The following SERINC5 variants were observed in gnomAD, a reference collection of about 807,000 sequenced individuals.
SERINC5 encodes the protein serine incorporator 5.
SERINC5 carries 41 observed loss-of-function variants against 63.1 expected under a neutral mutation model. That is an observed-to-expected ratio of 0.65 (90% CI 0.51 to 0.84). The LOEUF (loss-of-function observed/expected upper bound fraction) is 0.84, where lower values mean the gene tolerates loss of function less well. Ranked by LOEUF, SERINC5 falls within the 40% of genes least tolerant of loss-of-function variation. The probability of loss-of-function intolerance (pLI) is 0.00; values close to 1 mark genes in which losing one functional copy is unlikely to be tolerated. For synonymous variants in SERINC5, 222 were observed against 215.2 expected, an observed-to-expected ratio of 1.03 and a Z score of -0.28; for missense variants, 523 against 573.0, an observed-to-expected ratio of 0.91 and a Z score of 0.89.
intron 8 of SERINC5, among the ~76,000 whole-genome samples, chr5:80,154,360 G>A (rs1019525810): frequency 6.6e-6 from 1 of 152,078 alleles, no homozygotes; most frequent in Non-Finnish European, 1.5e-5. Context: ...TGTATTTTTA[G>A]TACAGATGGG....
intron 5 of SERINC5, among the ~76,000 whole-genome samples, chr5:80,173,350 C>A (rs1747802597): frequency 6.6e-6 from 1 of 152,126 alleles, no homozygotes; most frequent in South Asian, 2.1e-4. Context: ...AATCCCAGCA[C>A]TTTGGGAGGC....
intron 1 of SERINC5, among the ~76,000 whole-genome samples, chr5:80,207,327 T>G (rs1041274614): frequency 6.6e-6 from 1 of 152,196 alleles, no homozygotes; most frequent in African/African-American, 2.4e-5. Flanking sequence ...AGTTCAAATG[T>G]GATCAACAAA....
At chr5:80,177,179 A>C in intron 4 of SERINC5, 136 bp downstream of exon 4, 2 of 622,378 alleles carry the variant, frequency 3.2e-6, no homozygotes, top group Non-Finnish European at 5.7e-6. Context: ...TGGGCAGGTA[A>C]GTCAGGAATT....
chr5:80,255,760 G>GA lies in SERINC5; in HGVS notation c.27+135_27+136insT, dbSNP rs398093511. ...TTCCCGGACGGCTGAGCGCCGCGGG[G>GA]CCAGCCCGAGCGACCCACCCGGGCC... On this transcript the variant is annotated intron_variant, in intron 1 of 11. Transcript: ENST00000507668. The GA allele has an allele frequency of 8.3e-6, 7 of 845,528 alleles. No individual in the cohort carries two copies. The East Asian group carries it at 2.2e-4, about 27-fold the overall frequency. 52.4% of individuals were successfully genotyped at this position (845,528 alleles called of 1,614,324 possible).
rs1751777751 is a variant in SERINC5 at position 80,238,006 on chromosome 5, A to T, written c.27+17890T>A. Among the ~76,000 whole-genome samples the T allele has an allele frequency of 2.1e-5, 3 of 145,768 alleles. No individual in the cohort carries two copies. The South Asian group carries it at 7.0e-4, about 34-fold the overall frequency. On this transcript the variant is annotated intron_variant, in intron 1 of 11. Transcript: ENST00000507668. Reference sequence around the variant, plus strand: ...GTAGTCCCAGCTGCTCAGGAGGCTGAGGTAGGAGACTCACTTGAACCCGGG... The same window carrying T: ...GTAGTCCCAGCTGCTCAGGAGGCTGTGGTAGGAGACTCACTTGAACCCGGG...
In SERINC5 at chr5:80,139,245, G is replaced by T; in HGVS notation, c.*4418C>A. On this transcript the variant is annotated 3_prime_UTR_variant, in exon 12 of 12. Coordinates refer to ENST00000507668, the MANE Select transcript of SERINC5 (RefSeq NM_001174072.3). ...AGTTTTCTTTTTGCAAAGTAAAAAG[G>T]CTTAAATCTTTAATAAAGGAAAACA... 1 of 968,794 alleles carries T rather than the reference G, an allele frequency of 1.0e-6. No individual in the cohort carries two copies. Among genetic ancestry groups the T allele is most frequent in the Non-Finnish European group, 1.2e-6 (1 of 814,934 alleles). The allele number at this position is 968,794 out of a possible 1,614,324, so 60.0% of individuals were successfully genotyped here.
At chr5:80,171,233 T>C (rs1747634820) in intron 5 of SERINC5, among the ~76,000 whole-genome samples, 1 of 152,048 alleles carries the variant, frequency 6.6e-6, no homozygotes, top group African/African-American at 2.4e-5. Context: ...GGTCTTGAAC[T>C]CCTGACCTCG....
At chr5:80,192,725 C>G (rs1749265086) in intron 2 of SERINC5, among the ~76,000 whole-genome samples, 1 of 152,132 alleles carries the variant, frequency 6.6e-6, no homozygotes, top group African/African-American at 2.4e-5. Flanking sequence ...ATTTTAAAAC[C>G]ACACCACCAG....
At chr5:80,120,159 A>G (rs141451386) in intron 11 of SERINC5, among the ~76,000 whole-genome samples, 47 of 152,340 alleles carry the variant, frequency 3.1e-4, no homozygotes, top group Non-Finnish European at 5.6e-4. Context: ...AGAGACTGCT[A>G]CTATTCACCA....
rs74376132 is a variant in SERINC5, at chr5:80,172,412, T to C, written c.551+2542A>G. 9.8e-3 allele frequency among the ~76,000 whole-genome samples: 1,488 copies of C among 152,316 alleles called. 33 individuals carry two copies. Among genetic ancestry groups the C allele is most frequent in the African/African-American group, 0.033 (1,386 of 41,550 alleles). ...CAGGGAGAATGAATTGAATGAATCATTGTCATCTGCCTTATGATTAAATTG... is the reference window on the plus strand; with the variant it reads ...CAGGGAGAATGAATTGAATGAATCACTGTCATCTGCCTTATGATTAAATTG... On this transcript the variant is annotated intron_variant, in intron 5 of 11. Transcript: ENST00000507668.
chr5:80,116,047 AC>A, intron 11 of SERINC5: 1 of 325,876 alleles, frequency 3.1e-6, no homozygotes, highest in Non-Finnish European at 6.0e-6. Flanking sequence ...ATCTGAGAGA[AC>A]CATGATGGGG....
chr5:80,151,255 T>C (rs1052473280), intron 8 of SERINC5, among the ~76,000 whole-genome samples: 1 of 152,224 alleles, frequency 6.6e-6, no homozygotes, highest in Non-Finnish European at 1.5e-5. Flanking sequence ...AATGCTACAA[T>C]AGTTTTCTAA....
intron 11 of SERINC5, among the ~76,000 whole-genome samples, chr5:80,130,984 T>A (rs1218111923): frequency 6.6e-6 from 1 of 152,180 alleles, no homozygotes; most frequent in Non-Finnish European, 1.5e-5. Flanking sequence ...AGCAGTAAAG[T>A]AGGGTAGGAA....
chr5:80,115,135 C>T (rs1026485017), intron 11 of SERINC5, among the ~76,000 whole-genome samples: 1 of 152,018 alleles, frequency 6.6e-6, no homozygotes, highest in African/African-American at 2.4e-5. Context: ...CATTCAACTT[C>T]ACTATAGCGA....
Position 80,144,037 on chromosome 5 carries a change from C to A in SERINC5, c.1239-227G>T, listed in dbSNP as rs182045743. Among the ~76,000 whole-genome samples the A allele has an allele frequency of 2.0e-3, 312 of 152,236 alleles. 1 individual carries two copies. Among genetic ancestry groups the A allele is most frequent in the African/African-American group, 7.3e-3 (305 of 41,520 alleles). On this transcript the variant is annotated intron_variant, in intron 11 of 11. Coordinates refer to ENST00000507668, the MANE Select transcript of SERINC5 (RefSeq NM_001174072.3). ...TCCCCATGGCCCCCTCAGCCCACCC[C>A]CCGCATTCACCAATCTACTTTCTGC...
Position 80,141,897 on chromosome 5 carries a change from A to G in SERINC5, c.*1766T>C, listed in dbSNP as rs567767196. 7 of 985,428 alleles carry G rather than the reference A, an allele frequency of 7.1e-6. No individual in the cohort carries two copies. In the South Asian group the frequency reaches 3.3e-4, roughly 46 times the overall value. 61.0% of individuals were successfully genotyped at this position (985,428 alleles called of 1,614,324 possible). On this transcript the variant is annotated 3_prime_UTR_variant, in exon 12 of 12. Transcript: ENST00000507668. ...TGAATCTCAAACACTCTAAGTAGGG[A>G]AAGTTCTAAAGGAATTCATCCCCTG...
At chr5:80,116,472 T>C (rs545735658) in intron 11 of SERINC5, 2 of 395,446 alleles carry the variant, frequency 5.1e-6, no homozygotes, top group East Asian at 7.3e-5. Flanking sequence ...GGGACTTGCA[T>C]GCTATAATCT....
chr5:80,153,569 G>C (rs1024441700), intron 8 of SERINC5, among the ~76,000 whole-genome samples: 2 of 152,054 alleles, frequency 1.3e-5, no homozygotes, highest in Admixed American at 1.3e-4. Context: ...AGCACAAATT[G>C]CTATAAAACA....
intron 1 of SERINC5, among the ~76,000 whole-genome samples, chr5:80,212,419 A>G (rs1459682883): frequency 3.9e-5 from 6 of 152,162 alleles, no homozygotes; most frequent in Non-Finnish European, 5.9e-5. Flanking sequence ...GTAATACATA[A>G]TACTGCCCAT....
Sources: gnomAD v4.1 joint callset for allele counts (sites outside exome capture counted in the v4.1 genomes callset) on GRCh38, gnomAD v4.1.1 for gene constraint, MANE v1.5 for transcripts, NCBI Gene and HGNC (gene_info 2026-07-23, HGNC 2026-07-21) for gene names.